The following SORCS2 variants were observed in gnomAD, a reference collection of about 807,000 sequenced individuals.
SORCS2 encodes VPS10 domain-containing receptor SorCS2.
SORCS2 carries 100 observed loss-of-function variants against 141.6 expected under a neutral mutation model. That is an observed-to-expected ratio of 0.71 (90% CI 0.60 to 0.83). The LOEUF (loss-of-function observed/expected upper bound fraction) is 0.83. SORCS2 is among the 40% of genes least tolerant of loss of function. The probability of loss-of-function intolerance (pLI) is 0.00; values close to 1 mark genes in which losing one functional copy is unlikely to be tolerated. For synonymous variants in SORCS2, 789 were observed against 676.9 expected (o/e 1.17, Z -2.57); for missense variants, 1,646 against 1,560.2 (o/e 1.05, Z -0.93).
chr4:7,363,066 CCGTCATA>C (rs1226174386), intron 1 of SORCS2, among the ~76,000 whole-genome samples: 1 of 149,770 alleles, frequency 6.7e-6, no homozygotes, highest in Admixed American at 6.6e-5. Flanking sequence ...ACCATCACTA[CCGTCATA>C]CATCATCATC....
chr4:7,245,254 GC>G (rs1322963805), intron 1 of SORCS2, among the ~76,000 whole-genome samples: 1 of 152,152 alleles, frequency 6.6e-6, no homozygotes, highest in Non-Finnish European at 1.5e-5. Context: ...TAGAAAACAG[GC>G]AAAGCCACAG....
chr4:7,323,994 T>G (rs1719073162), intron 1 of SORCS2, among the ~76,000 whole-genome samples: 1 of 152,198 alleles, frequency 6.6e-6, no homozygotes, highest in Non-Finnish European at 1.5e-5. Flanking sequence ...ACCTGGGTCC[T>G]AGGATCTGAG....
intron 2 of SORCS2, among the ~76,000 whole-genome samples, chr4:7,405,461 G>A (rs1330610889): frequency 1.3e-5 from 2 of 152,028 alleles, no homozygotes; most frequent in Non-Finnish European, 2.9e-5. Flanking sequence ...CATTTTAACA[G>A]TATTAATTCT....
intron 3 of SORCS2, among the ~76,000 whole-genome samples, chr4:7,620,754 AGAAACT>A (rs904527913): frequency 2.8e-4 from 43 of 152,262 alleles, no homozygotes; most frequent in African/African-American, 9.9e-4. Context: ...CTTGCAGACT[AGAAACT>A]GAAGCTGAAG....
At chr4:7,726,496 C>T (rs1727226932) in intron 20 of SORCS2, among the ~76,000 whole-genome samples, 2 of 152,168 alleles carry the variant, frequency 1.3e-5, no homozygotes, top group Admixed American at 6.5e-5. Flanking sequence ...AATACTTGAA[C>T]CCAGGAGGCA....
At chr4:7,350,006 T>C (rs776329454) in intron 1 of SORCS2, among the ~76,000 whole-genome samples, 5 of 152,148 alleles carry the variant, frequency 3.3e-5, no homozygotes, top group Non-Finnish European at 1.5e-5. Context: ...CTGGCCCCAG[T>C]TGTCACCAAG....
At chr4:7,246,805 G>A (rs1437411429) in intron 1 of SORCS2, among the ~76,000 whole-genome samples, 1 of 152,200 alleles carries the variant, frequency 6.6e-6, no homozygotes, top group Non-Finnish European at 1.5e-5. Context: ...GTGTGCACAC[G>A]ATGGCCATGA....
At chr4:7,546,861 A>G (rs1713300639) in intron 3 of SORCS2, among the ~76,000 whole-genome samples, 1 of 152,210 alleles carries the variant, frequency 6.6e-6, no homozygotes, top group African/African-American at 2.4e-5. Context: ...GAAAACTGAC[A>G]AATCACTTTC....
intron 2 of SORCS2, among the ~76,000 whole-genome samples, chr4:7,470,986 T>A (rs147735400): frequency 6.6e-6 from 1 of 152,060 alleles, no homozygotes; most frequent in African/African-American, 2.4e-5. Context: ...GACAGAGTAG[T>A]CATGGGGTCT....
intron 25 of SORCS2, among the ~76,000 whole-genome samples, chr4:7,735,205 G>A (rs1712070414): frequency 6.6e-6 from 1 of 152,200 alleles, no homozygotes. Flanking sequence ...AGCTCCGGGG[G>A]CCCCAGTCTC....
In SORCS2 at chr4:7,609,738, C is replaced by T. The variant is rs375995854; in HGVS notation, c.649-28590C>T. Among the ~76,000 whole-genome samples the T allele has an allele frequency of 7.2e-5, 11 of 152,224 alleles. No individual in the cohort carries two copies. The South Asian group carries it at 1.2e-3, about 17-fold the overall frequency. On this transcript the variant is annotated intron_variant, in intron 3 of 26. Transcript: ENST00000507866. The stretch of plus-strand genomic sequence containing the variant: ...AACTGTTCAAGCCACCCACCCCCAC[C>T]GCCCCCATGACCCGGGACCTCCGGA...
chr4:7,576,138 C>T (rs960917439), intron 3 of SORCS2, among the ~76,000 whole-genome samples: 51 of 152,090 alleles, frequency 3.4e-4, no homozygotes, highest in African/African-American at 8.5e-4. Context: ...AATTAGCGTG[C>T]GAGGGAGAGA....
intron 1 of SORCS2, chr4:7,310,430 A>T (rs2108920024): frequency 6.5e-6 from 1 of 154,426 alleles, no homozygotes; most frequent in African/African-American, 2.4e-5. Context: ...GCATTTATTA[A>T]ATACATTTTC....
chr4:7,225,406 G>A (rs1465789649), intron 1 of SORCS2, among the ~76,000 whole-genome samples: 5 of 152,226 alleles, frequency 3.3e-5, no homozygotes, highest in Non-Finnish European at 7.3e-5. Context: ...AAGGAGCACT[G>A]AGAACAGCAT....
intron 2 of SORCS2, among the ~76,000 whole-genome samples, chr4:7,411,058 C>A (rs1314177076): frequency 1.4e-5 from 2 of 144,968 alleles, no homozygotes; most frequent in East Asian, 4.1e-4. Context: ...CGGGTTCAAG[C>A]GATTCTCCTA....
intron 1 of SORCS2, among the ~76,000 whole-genome samples, chr4:7,263,774 T>A (rs1002351512): frequency 6.6e-6 from 1 of 152,174 alleles, no homozygotes; most frequent in African/African-American, 2.4e-5. Flanking sequence ...GACACCCACC[T>A]CATGGTGTCT....
chr4:7,474,226 G>A (rs972699297), intron 2 of SORCS2, among the ~76,000 whole-genome samples: 1 of 152,202 alleles, frequency 6.6e-6, no homozygotes. Flanking sequence ...TGTGGGAAGG[G>A]CCAGATTTGA....
At chr4:7,645,361 C>G (rs1380495264) in intron 4 of SORCS2, among the ~76,000 whole-genome samples, 2 of 152,168 alleles carry the variant, frequency 1.3e-5, no homozygotes, top group African/African-American at 4.8e-5. Flanking sequence ...TAAGGGAGTG[C>G]TGTGTGACCT....
At chr4:7,649,697 G>A (rs1014393295) in intron 4 of SORCS2, among the ~76,000 whole-genome samples, 5 of 152,148 alleles carry the variant, frequency 3.3e-5, no homozygotes, top group Non-Finnish European at 5.9e-5. Flanking sequence ...GCCCAGGCGG[G>A]CTTCCAGGAG....
Sources: gnomAD v4.1 joint callset for allele counts (sites outside exome capture counted in the v4.1 genomes callset) on GRCh38, gnomAD v4.1.1 for gene constraint, MANE v1.5 for transcripts, NCBI Gene and HGNC (gene_info 2026-07-23, HGNC 2026-07-21) for gene names.